The following SHANK2 variants were observed in gnomAD, a reference collection of about 807,000 sequenced individuals.
SHANK2 encodes SH3 and multiple ankyrin repeat domains protein 2.
In SHANK2, 43 loss-of-function variants were observed where a neutral mutation model predicts 133.7. The observed-to-expected ratio is 0.32, with a 90% CI of 0.25 to 0.41. The LOEUF is 0.41. Ranked by LOEUF, SHANK2 falls within the 10% of genes least tolerant of loss-of-function variation. SHANK2 has a pLI of 1.00. For synonymous variants in SHANK2, 1,017 were observed against 952.8 expected (o/e 1.07, Z -1.24); for missense variants, 1,994 against 2,235.8 (o/e 0.89, Z 2.18).
At chr11:70,712,223 C>G (rs1217782373) in intron 14 of SHANK2, among the ~76,000 whole-genome samples, 2 of 152,220 alleles carry the variant, frequency 1.3e-5, no homozygotes, top group Admixed American at 1.3e-4. Flanking sequence ...CATTGCATCC[C>G]TCTGACTCTC....
intron 15 of SHANK2, among the ~76,000 whole-genome samples, chr11:70,674,150 C>T (rs1422530061): frequency 1.3e-5 from 2 of 152,198 alleles, no homozygotes; most frequent in Non-Finnish European, 2.9e-5. Context: ...TGCCAGCTCC[C>T]CTTAGCCTTC....
At position 70,576,867 on chromosome 11, in the gene SHANK2, G is replaced by T. The variant is rs1022348597; in HGVS notation, c.2062-73936C>A. On this transcript the variant is annotated intron_variant, in intron 17 of 25. Transcript: ENST00000601538. ...GGCAGTAGTGCTGCCAACTCTGAGG[G>T]ACTGTGAGGGGGGCCATGAGTCAGC... 3.3e-5 allele frequency among the ~76,000 whole-genome samples: 5 copies of T among 152,360 alleles called. No individual in the cohort carries two copies. In the East Asian group the frequency reaches 7.7e-4, roughly 23 times the overall value.
intron 11 of SHANK2, among the ~76,000 whole-genome samples, chr11:70,855,156 G>A (rs1451844145): frequency 6.6e-6 from 1 of 152,208 alleles, no homozygotes; most frequent in Non-Finnish European, 1.5e-5. Context: ...GCCCCTCAAT[G>A]ACTTCATGAT....
At chr11:71,238,541 C>T (rs1207631140) in intron 1 of SHANK2, among the ~76,000 whole-genome samples, 1 of 152,212 alleles carries the variant, frequency 6.6e-6, no homozygotes, top group African/African-American at 2.4e-5. Context: ...CTTACTGAAG[C>T]AAGGAAAATG....
intron 15 of SHANK2, among the ~76,000 whole-genome samples, chr11:70,689,902 A>G (rs1337304741): frequency 6.6e-6 from 1 of 152,238 alleles, no homozygotes; most frequent in African/African-American, 2.4e-5. Flanking sequence ...GCTCTAAGCC[A>G]TGAGTAGAGA....
At chr11:70,728,644 T>A (rs1301499611) in intron 14 of SHANK2, among the ~76,000 whole-genome samples, 1 of 152,134 alleles carries the variant, frequency 6.6e-6, no homozygotes, top group Non-Finnish European at 1.5e-5. Context: ...CACAAACAAA[T>A]ACGCACGCCC....
intron 17 of SHANK2, among the ~76,000 whole-genome samples, chr11:70,597,893 C>T (rs1006870578): frequency 1.8e-4 from 27 of 152,190 alleles, no homozygotes; most frequent in South Asian, 2.1e-4. Context: ...ACCAACCAAC[C>T]AACACCAGAG....
chr11:71,172,997 G>C (rs1167638213), intron 2 of SHANK2, among the ~76,000 whole-genome samples: 2 of 152,256 alleles, frequency 1.3e-5, no homozygotes, highest in Admixed American at 1.3e-4. Flanking sequence ...GCTGCTGGAG[G>C]CTGAGAAGTG....
chr11:70,494,152 A>C (rs1440600899), intron 21 of SHANK2, among the ~76,000 whole-genome samples: 1 of 152,132 alleles, frequency 6.6e-6, no homozygotes, highest in Non-Finnish European at 1.5e-5. Flanking sequence ...GCGCCCTGTG[A>C]TGGCCCCTCA....
chr11:70,898,600 T>C (rs1949976293), intron 10 of SHANK2, among the ~76,000 whole-genome samples: 1 of 152,166 alleles, frequency 6.6e-6, no homozygotes, highest in African/African-American at 2.4e-5. Context: ...GAAGGTAGAC[T>C]GTGTGAGCGA....
rs558188972 is a variant in SHANK2, at chr11:70,833,270, C to T, written c.1175-12588G>A. 2.6e-3 allele frequency among the ~76,000 whole-genome samples: 392 copies of T among 150,254 alleles called. 1 individual carries two copies. Among genetic ancestry groups the T allele is most frequent in the Non-Finnish European group, 3.8e-3 (258 of 68,036 alleles). On this transcript the variant is annotated intron_variant, in intron 11 of 25. Transcript: ENST00000601538. Reference sequence around the variant, plus strand: ...GCAGCCCACCTGTGGCTAGACGCCCCGACTGGCCACCCCGGCTGGCCGCAG... The same window carrying T: ...GCAGCCCACCTGTGGCTAGACGCCCTGACTGGCCACCCCGGCTGGCCGCAG...
In SHANK2 at chr11:70,593,548, G is replaced by A. The variant is rs141530584; in HGVS notation, c.2061+66280C>T. ...GCCTGCCCCACGGGACGTCTGAGCA[G>A]GTGTGTCAGAAAATACTAGAGTGGC... On this transcript the variant is annotated intron_variant, in intron 17 of 25. Coordinates refer to ENST00000601538, the MANE Select transcript of SHANK2 (RefSeq NM_012309.5). 3.4e-3 allele frequency among the ~76,000 whole-genome samples: 517 copies of A among 152,302 alleles called. 6 individuals are homozygous for A. Among genetic ancestry groups the A allele is most frequent in the African/African-American group, 0.012 (500 of 41,570 alleles).
chr11:70,595,326 C>T (rs2060385197), intron 17 of SHANK2, among the ~76,000 whole-genome samples: 2 of 152,206 alleles, frequency 1.3e-5, no homozygotes, highest in African/African-American at 2.4e-5. Context: ...CGCAGCCAGC[C>T]GAGGCCGCTG....
Position 70,486,020 on chromosome 11 carries a change from C to A in SHANK2, c.4273G>T (p.Asp1425Tyr), listed in dbSNP as rs782374798. 6.2e-7 allele frequency: 1 copy of A among 1,614,002 alleles called. No individual in the cohort carries two copies. The highest frequency in any genetic ancestry group is 1.7e-5 in the Admixed American group (1 of 60,008). ...LEFANSFDIP[D>Y]DRAASVPALS... ...GCCGGGACAGAAGCTGCCCGGTCAT[C>A]GGGGATATCAAAACTATTTGCAAAT... Residue 1425 changes from aspartate to tyrosine, a missense_variant, in exon 25 of 26, where the codon GAT becomes TAT. By Grantham distance (160) the Asp-to-Tyr change is radical. This residue lies in a region of SHANK2 where 797 missense variants were observed against 907.4 expected (regional missense o/e 0.88). Transcript: ENST00000601538. The surrounding 1 kb of genome is among the most constrained non-coding windows in gnomAD (Gnocchi z 8.0).
At chr11:70,948,215 T>C (rs1411483591) in intron 10 of SHANK2, 15 of 455,020 alleles carry the variant, frequency 3.3e-5, no homozygotes, top group East Asian at 7.0e-5. Flanking sequence ...CTCCGTACCA[T>C]TCCACCCTCA....
chr11:70,658,542 T>A (rs2061441040), intron 17 of SHANK2, among the ~76,000 whole-genome samples: 1 of 152,148 alleles, frequency 6.6e-6, no homozygotes, highest in Non-Finnish European at 1.5e-5. Flanking sequence ...TTTAAATGCA[T>A]CTTCCAGCAA....
chr11:71,056,772 T>C (rs1230447500), intron 9 of SHANK2, among the ~76,000 whole-genome samples: 1 of 152,014 alleles, frequency 6.6e-6, no homozygotes, highest in East Asian at 1.9e-4. Flanking sequence ...TTTAAGACTA[T>C]ATCCTATAGA....
At chr11:71,160,474 C>T (rs36048891) in intron 2 of SHANK2, among the ~76,000 whole-genome samples, 2 of 152,140 alleles carry the variant, frequency 1.3e-5, no homozygotes, top group Non-Finnish European at 1.5e-5. Context: ...AGCCAGCATG[C>T]GTGTTCACGT....
chr11:71,251,497 G>T (rs981935901), intron 1 of SHANK2, among the ~76,000 whole-genome samples: 33 of 151,748 alleles, frequency 2.2e-4, no homozygotes, highest in Non-Finnish European at 4.0e-4. Flanking sequence ...CCTGGCGCCC[G>T]GGGCCGGGGC....
Sources: allele counts gnomAD v4.1 joint callset (sites outside exome capture counted in the v4.1 genomes callset), GRCh38; gene constraint gnomAD v4.1.1; regional missense constraint gnomAD v4.1.1; non-coding constraint Gnocchi (gnomAD v3.1); transcripts MANE v1.5; gene names NCBI Gene and HGNC (gene_info 2026-07-23, HGNC 2026-07-21).